PVR: variants seen among roughly 807,000 people sequenced by gnomAD.
PVR encodes PVR cell adhesion molecule.
In PVR, 39 loss-of-function variants were observed where a neutral mutation model predicts 43.3. That is an observed-to-expected ratio of 0.90 (90% confidence interval 0.70 to 1.18). The LOEUF is 1.18. PVR is among the 50% of genes most tolerant of loss of function. The pLI is 0.00. For missense variants in PVR, 480 were observed against 549.7 expected (o/e 0.87, Z 1.27); for synonymous variants, 224 against 233.2 (o/e 0.96, Z 0.36).
At chr19:44,653,879 C>T in intron 3 of PVR, 21 bp from the exon 4 acceptor site, 1 of 1,557,058 alleles carries the variant, frequency 6.4e-7, no homozygotes, top group Non-Finnish European at 8.9e-7. Flanking sequence ...GTCTCTGAAC[C>T]TCTGTATCCA....
intron 6 of PVR, chr19:44,659,185 A>G: frequency 1.1e-5 from 4 of 367,238 alleles, no homozygotes; most frequent in Non-Finnish European, 2.0e-5. Flanking sequence ...TGGAGGGTGA[A>G]ATAATGCTTA....
chr19:44,658,659 AG>A, intron 5 of PVR, 82 bp from the exon 6 acceptor site: 1 of 1,277,812 alleles, frequency 7.8e-7, no homozygotes, highest in African/African-American at 1.5e-5. Context: ...TGGCTCCCTA[AG>A]GAAATTCAAG....
At chr19:44,647,072 C>A in intron 1 of PVR, 151 bp from the exon 2 acceptor site, 1 of 549,620 alleles carries the variant, frequency 1.8e-6, no homozygotes, top group Non-Finnish European at 3.2e-6. Flanking sequence ...AACTAGTGCC[C>A]CAGTTCCCCC....
intron 1 of PVR, among the ~76,000 whole-genome samples, chr19:44,645,103 ATT>A (rs1310615104): frequency 1.1e-5 from 1 of 92,732 alleles, no homozygotes; most frequent in Non-Finnish European, 1.9e-5. Flanking sequence ...TATAATATAT[ATT>A]ATAGTAATAT....
rs1973686024 is a variant in PVR, at chr19:44,665,326, T to A, written c.*3515T>A. The A allele has an allele frequency of 6.6e-6, 1 of 152,088 alleles. No homozygotes were observed. The highest frequency in any genetic ancestry group is 2.4e-5 in the African/African-American group (1 of 41,416). 9.4% of individuals were successfully genotyped at this position (152,088 alleles called of 1,614,324 possible). A position where few individuals can be genotyped will look rare whatever the true frequency, so the allele number is the denominator to read the frequency against. ...TTGCAGATTGCTTGGGGTGAAAATG[T>A]CTGTGCTACTGAAATCTAACTTTTT... On this transcript the variant is annotated 3_prime_UTR_variant, in exon 8 of 8. Transcript: ENST00000425690.
Position 44,657,923 on chromosome 19 carries a change from CTGGG to C in PVR, c.991+18_991+21del. ...GTCCAGGTCAAAGGTGAGGAACTCC[CTGGG>C]TGGGAAGAACAGGGACCAAAGGAAG... On this transcript the variant is annotated intron_variant, in intron 5 of 7. Coordinates refer to ENST00000425690, the MANE Select transcript of PVR (RefSeq NM_006505.5). 6.2e-7 allele frequency: 1 copy of C among 1,612,396 alleles called. No homozygotes were observed. The highest frequency in any genetic ancestry group is 8.5e-7 in the Non-Finnish European group (1 of 1,179,386).
intron 6 of PVR, 124 bp from the exon 7 acceptor site, chr19:44,661,168 G>T: frequency 1.2e-6 from 1 of 853,902 alleles, no homozygotes; most frequent in South Asian, 1.5e-5. Context: ...TAAGGGAAAT[G>T]GCACCCCCAT....
intron 3 of PVR, among the ~76,000 whole-genome samples, chr19:44,651,031 G>A (rs1463904299): frequency 6.6e-6 from 1 of 152,074 alleles, no homozygotes; most frequent in Admixed American, 6.5e-5. Flanking sequence ...ACCATGCCCG[G>A]CTAATTTTAC....
At chr19:44,660,463 T>G (rs891701123) in intron 6 of PVR, among the ~76,000 whole-genome samples, 10 of 152,184 alleles carry the variant, frequency 6.6e-5, no homozygotes, top group African/African-American at 2.2e-4. Flanking sequence ...TTATTGCTAT[T>G]ATTACTATTA....
rs1973670553 is a variant in PVR at position 44,664,794 on chromosome 19, C to T, written c.*2983C>T. 1 of 151,978 alleles carries T rather than the reference C, an allele frequency of 6.6e-6. No homozygotes were observed. The highest frequency in any genetic ancestry group is 2.4e-5 in the African/African-American group (1 of 41,368). The allele number at this position is 151,978 out of a possible 1,614,324, so 9.4% of individuals were successfully genotyped here. On this transcript the variant is annotated 3_prime_UTR_variant, in exon 8 of 8. Coordinates refer to ENST00000425690, the MANE Select transcript of PVR (RefSeq NM_006505.5). ...AAATTCCTGGGCCCAAACAATCCTC[C>T]CGCCTTGGCCTCCTAAAGTACTGGG...
At chr19:44,648,945 T>A (rs918583295) in intron 2 of PVR, among the ~76,000 whole-genome samples, 2 of 152,166 alleles carry the variant, frequency 1.3e-5, no homozygotes, top group Non-Finnish European at 2.9e-5. Context: ...ACCAGGATGA[T>A]GATTAAGAGA....
At chr19:44,651,770 C>T (rs1283965900) in intron 3 of PVR, among the ~76,000 whole-genome samples, 4 of 152,200 alleles carry the variant, frequency 2.6e-5, no homozygotes, top group Admixed American at 6.5e-5. Context: ...CACTGACAGC[C>T]CCAGGACTCT....
At chr19:44,650,619 G>A (rs1437985628) in intron 3 of PVR, among the ~76,000 whole-genome samples, 1 of 145,496 alleles carries the variant, frequency 6.9e-6, no homozygotes, top group Admixed American at 7.0e-5. Flanking sequence ...CTGCAGTACA[G>A]TGGCATGTTC....
chr19:44,644,021 C>G lies in PVR; in HGVS notation c.-76C>G. ...TGAGCTCCGGGAGCTGGACTCGCAG[C>G]GACCGCGGCAGAGCGAGCGGGCGCC... is the stretch of plus-strand genomic sequence containing the variant. On this transcript the variant is annotated 5_prime_UTR_variant, in exon 1 of 8. Coordinates refer to ENST00000425690, the MANE Select transcript of PVR (RefSeq NM_006505.5). 7.7e-7 allele frequency: 1 copy of G among 1,292,388 alleles called. No individual in the cohort carries two copies. The highest frequency in any genetic ancestry group is 1.4e-5 in the South Asian group (1 of 69,126). The allele number at this position is 1,292,388 out of a possible 1,614,324, so 80.1% of individuals were successfully genotyped here. A position where few individuals can be genotyped will look rare whatever the true frequency, so the allele number is the denominator to read the frequency against.
chr19:44,660,869 C>T (rs1973573840), intron 6 of PVR, among the ~76,000 whole-genome samples: 1 of 152,148 alleles, frequency 6.6e-6, no homozygotes, highest in South Asian at 2.1e-4. Flanking sequence ...GTGTCCCCAG[C>T]ACCTAGAATG....
In PVR at chr19:44,647,391, G is replaced by A. The variant is rs901560342; in HGVS notation, c.248G>A (p.Gly83Asp). The A allele has an allele frequency of 6.2e-7, 1 of 1,614,088 alleles. No individual in the cohort carries two copies. Among genetic ancestry groups the A allele is most frequent in the East Asian group, 2.2e-5 (1 of 44,870 alleles). ...ATGGCCGTCTTCCACCAAACGCAGG[G>A]CCCCAGCTATTCGGAGTCCAAACGG... ...GSMAVFHQTQ[G>D]PSYSESKRLE... The change falls in exon 2 of 8, where the codon GGC becomes GAC. Residue 83 changes from glycine to aspartate, a missense_variant. Physicochemically the swap from Gly to Asp is moderately conservative, Grantham distance 94. Transcript: ENST00000425690.
At chr19:44,649,046 T>A (rs1334247429) in intron 2 of PVR, among the ~76,000 whole-genome samples, 4 of 152,148 alleles carry the variant, frequency 2.6e-5, no homozygotes, top group Non-Finnish European at 4.4e-5. Flanking sequence ...GTCACTTCCC[T>A]TCTCAACTTC....
intron 3 of PVR, among the ~76,000 whole-genome samples, chr19:44,653,115 C>T: frequency 6.6e-6 from 1 of 152,104 alleles, no homozygotes; most frequent in Admixed American, 6.5e-5. Flanking sequence ...TTCGTCAGCT[C>T]CCGGGGACAC....
At position 44,662,811 on chromosome 19, in the gene PVR, G is replaced by T. The variant is rs933625045; in HGVS notation, c.*1000G>T. On this transcript the variant is annotated 3_prime_UTR_variant, in exon 8 of 8. Coordinates refer to ENST00000425690, the MANE Select transcript of PVR (RefSeq NM_006505.5). Reference sequence around the variant, plus strand: ...AATTTTGGTAAAAATTTGGCCTCTGGCCTTGAGCTTCTAAATCTCTGTATC... The same window carrying T: ...AATTTTGGTAAAAATTTGGCCTCTGTCCTTGAGCTTCTAAATCTCTGTATC... 1 of 152,200 alleles carries T rather than the reference G, an allele frequency of 6.6e-6. No individual in the cohort carries two copies. The highest frequency in any genetic ancestry group is 6.5e-5 in the Admixed American group (1 of 15,274). The allele number at this position is 152,200 out of a possible 1,614,324, so 9.4% of individuals were successfully genotyped here. A position where few individuals can be genotyped will look rare whatever the true frequency, so the allele number is the denominator to read the frequency against.
Sources: gnomAD v4.1 joint callset for allele counts (sites outside exome capture counted in the v4.1 genomes callset) on GRCh38, gnomAD v4.1.1 for gene constraint, MANE v1.5 for transcripts, NCBI Gene and HGNC (gene_info 2026-07-23, HGNC 2026-07-21) for gene names.